UNC13B: variants seen among roughly 807,000 people sequenced by gnomAD.
UNC13B encodes unc-13 homolog B.
In UNC13B, 144 loss-of-function variants were observed where a neutral mutation model predicts 211.0. The observed-to-expected ratio is 0.68, with a 90% CI of 0.60 to 0.78. UNC13B has a LOEUF of 0.78. UNC13B is among the 30% of genes least tolerant of loss of function. The pLI is 0.00. For synonymous variants in UNC13B, 709 were observed against 725.8 expected, an observed-to-expected ratio of 0.98 and a Z score of 0.37; for missense variants, 1,777 against 2,002.0, an observed-to-expected ratio of 0.89 and a Z score of 2.14.
chr9:35,329,727 A>G (rs1330356004), intron 11 of UNC13B, among the ~76,000 whole-genome samples: 1 of 151,930 alleles, frequency 6.6e-6, no homozygotes. Flanking sequence ...AAGCTCAAAC[A>G]ATCTGCCCCC....
chr9:35,231,037 T>C (rs1825170692), intron 2 of UNC13B, 83 bp from the exon 3 acceptor site: 6 of 865,774 alleles, frequency 6.9e-6, no homozygotes, highest in Non-Finnish European at 1.1e-5. Context: ...TTAATTTCTA[T>C]ATTGCTTAAT....
chr9:35,198,173 C>T (rs568148436), intron 1 of UNC13B, among the ~76,000 whole-genome samples: 11 of 152,236 alleles, frequency 7.2e-5, no homozygotes, highest in African/African-American at 2.6e-4. Context: ...ATTGTAATCC[C>T]CAGTTTTGGA....
In UNC13B at chr9:35,306,037, T is replaced by A. The variant is rs905989588; in HGVS notation, c.6633T>A (p.Ser2211Arg). The change falls in exon 9 of 40, where the codon AGT (serine) becomes AGA (arginine). Residue 2211 changes from serine (S) to arginine (R), a missense_variant. Ser to Arg is a moderately radical substitution (Grantham distance 110, BLOSUM62 -1). Transcript: ENST00000635942. ...TTAAGAAGGATGCCTCTCATAGTAG[T>A]TCTACTTTTAGTTTCTTCAGCTTGT... ...SSIKKDASHS[S>R]STFSFFSLSF... 1.0e-5 allele frequency: 4 copies of A among 398,922 alleles called. No homozygotes were observed. The highest frequency in any genetic ancestry group is 8.2e-5 in the African/African-American group (4 of 48,632). The allele number at this position is 398,922 out of a possible 1,614,324, so 24.7% of individuals were successfully genotyped here.
In UNC13B at chr9:35,300,217, A is replaced by T. The variant is rs1829605787; in HGVS notation, c.813A>T (p.Leu271Phe). ...ATAGAAGAAGAAAAAAGAAATCCTT[A>T]TACAATCATTTTGAAGACAGTGAAA... Reference protein sequence around the residue: ...TLDRRRKKKSLYNHFEDSERR... With the variant: ...TLDRRRKKKSFYNHFEDSERR... The change falls in exon 9 of 40, where the codon TTA becomes TTT. Residue 271 changes from leucine (L) to phenylalanine (F), a missense_variant. Coordinates refer to ENST00000635942, the MANE Select transcript of UNC13B (RefSeq NM_001371189.2). The T allele has an allele frequency of 2.5e-6, 1 of 398,956 alleles. No individual in the cohort carries two copies. The allele number at this position is 398,956 out of a possible 1,614,324, so 24.7% of individuals were successfully genotyped here.
intron 11 of UNC13B, chr9:35,352,870 C>T: frequency 8.1e-7 from 1 of 1,232,114 alleles, no homozygotes; most frequent in South Asian, 4.1e-5. Context: ...TCAAACAGTA[C>T]AGCCAAAAAC....
intron 11 of UNC13B, among the ~76,000 whole-genome samples, chr9:35,332,570 C>T (rs1831433375): frequency 6.6e-6 from 1 of 152,018 alleles, no homozygotes; most frequent in African/African-American, 2.4e-5. Flanking sequence ...TCTCTGTTTC[C>T]CTTTGTGTTC....
In UNC13B at chr9:35,259,003, A is replaced by G; in HGVS notation, c.479A>G (p.Gln160Arg). The change falls in exon 7 of 40, where the codon CAA (glutamine) becomes CGA (arginine). Residue 160 changes from glutamine (Q) to arginine (R), a missense_variant. Gln to Arg is a conservative substitution (Grantham distance 43, BLOSUM62 1). Transcript: ENST00000635942. ...CCTTTCTGCTTCTAGTATTCTAGTC[A>G]AGAAGAAAGCCAGAGGAAGCCATTG... is the stretch of plus-strand genomic sequence containing the variant. Reference protein sequence around the residue: ...ALGADNEYSSQEESQRKPLPT... With the variant: ...ALGADNEYSSREESQRKPLPT... 1 of 1,613,730 alleles carries G rather than the reference A, an allele frequency of 6.2e-7. No individual in the cohort carries two copies. Among genetic ancestry groups the G allele is most frequent in the Non-Finnish European group, 8.5e-7 (1 of 1,179,870 alleles).
chr9:35,290,927 A>T, intron 7 of UNC13B: 1 of 745,240 alleles, frequency 1.3e-6, no homozygotes, highest in Non-Finnish European at 2.2e-6. Flanking sequence ...ACTCTATGTT[A>T]TGTAAAGTTA....
intron 1 of UNC13B, among the ~76,000 whole-genome samples, chr9:35,207,839 A>T (rs189354110): frequency 6.6e-6 from 1 of 152,178 alleles, no homozygotes; most frequent in South Asian, 2.1e-4. Flanking sequence ...TTTAAAGTGC[A>T]AAAGTTTTAA....
intron 1 of UNC13B, among the ~76,000 whole-genome samples, chr9:35,164,605 A>G (rs1360438965): frequency 6.6e-6 from 1 of 152,176 alleles, no homozygotes; most frequent in Non-Finnish European, 1.5e-5. Context: ...AAGGCTCTCA[A>G]TACTCTGACT....
At position 35,259,800 on chromosome 9, in the gene UNC13B, G is replaced by GT. The variant is rs957579355; in HGVS notation, c.526+750_526+751insT. Among the ~76,000 whole-genome samples, 74 of 146,534 alleles carry GT rather than the reference G, an allele frequency of 5.1e-4. 1 individual carries two copies. The highest frequency in any genetic ancestry group is 1.8e-3 in the African/African-American group (72 of 39,610). The stretch of plus-strand genomic sequence containing the variant: ...GTGTGTGTGTGTAGGGGGATGCGGG[G>GT]GGGGGGGATTTTGATACTTTTGTGT... On this transcript the variant is annotated intron_variant, in intron 7 of 39. Transcript: ENST00000635942.
At chr9:35,337,812 G>T (rs1831748573) in intron 11 of UNC13B, among the ~76,000 whole-genome samples, 1 of 152,218 alleles carries the variant, frequency 6.6e-6, no homozygotes, top group Non-Finnish European at 1.5e-5. Flanking sequence ...ATTTGGGTTT[G>T]CCCTATATCT....
chr9:35,303,281 C>G lies in UNC13B; in HGVS notation c.3877C>G (p.His1293Asp), dbSNP rs890419414. ...CCCCTCCTCTGAGAACATTGTACTT[C>G]ACTGTGCTCCAAGTGCTCAGCTAGG... ...HHPSSENIVL[H>D]CAPSAQLGFL... Residue 1293 changes from histidine (H) to aspartate (D), a missense_variant, in exon 9 of 40, where the codon CAC becomes GAC. His to Asp is a moderately conservative substitution (Grantham distance 81). Transcript: ENST00000635942. 2 of 398,434 alleles carry G rather than the reference C, an allele frequency of 5.0e-6. No homozygotes were observed. Among genetic ancestry groups the G allele is most frequent in the African/African-American group, 4.1e-5 (2 of 48,596 alleles). The allele number at this position is 398,434 out of a possible 1,614,324, so 24.7% of individuals were successfully genotyped here. A position where few individuals can be genotyped will look rare whatever the true frequency, so the allele number is the denominator to read the frequency against.
chr9:35,202,480 G>A (rs1011792870), intron 1 of UNC13B, among the ~76,000 whole-genome samples: 1 of 152,092 alleles, frequency 6.6e-6, no homozygotes, highest in Admixed American at 6.6e-5. Context: ...TTGTGTAGGA[G>A]TCTAAGTCTC....
intron 3 of UNC13B, among the ~76,000 whole-genome samples, chr9:35,232,878 G>A (rs1322712342): frequency 6.6e-6 from 1 of 152,144 alleles, no homozygotes; most frequent in African/African-American, 2.4e-5. Context: ...CTGGAGAGTG[G>A]CAGCATTTAA....
intron 18 of UNC13B, 31 bp from the exon 19 acceptor site, chr9:35,381,069 G>C: frequency 6.3e-7 from 1 of 1,596,212 alleles, no homozygotes. Context: ...AGTTGCATTG[G>C]TGTCAATCTC....
At position 35,329,514 on chromosome 9, in the gene UNC13B, G is replaced by T. The variant is rs553864918; in HGVS notation, c.9414+15525G>T. 3.1e-3 allele frequency among the ~76,000 whole-genome samples: 465 copies of T among 151,258 alleles called. 2 individuals carry two copies. The highest frequency in any genetic ancestry group is 0.011 in the African/African-American group (449 of 41,216). On this transcript the variant is annotated intron_variant, in intron 11 of 39. Transcript: ENST00000635942. ...AGATTTTTTTTTTTTTTGAGATAGG[G>T]TCTCACTCTGTTGCCCAGGCTGGAG...
intron 32 of UNC13B, 114 bp downstream of exon 32, chr9:35,398,756 C>G: frequency 6.4e-7 from 1 of 1,557,488 alleles, no homozygotes; most frequent in Non-Finnish European, 8.8e-7. Flanking sequence ...CTTCCCTGTA[C>G]TCCTGCTGAC....
At chr9:35,290,158 A>G (rs1333439782) in intron 7 of UNC13B, among the ~76,000 whole-genome samples, 1 of 152,018 alleles carries the variant, frequency 6.6e-6, no homozygotes, top group Admixed American at 6.6e-5. Context: ...AATATTTTCA[A>G]TTTTCTCCTG....
Sources: gnomAD v4.1 joint callset for allele counts (sites outside exome capture counted in the v4.1 genomes callset) on GRCh38, gnomAD v4.1.1 for gene constraint, MANE v1.5 for transcripts, NCBI Gene and HGNC (gene_info 2026-07-23, HGNC 2026-07-21) for gene names.